The following KIF26B variants were observed in gnomAD, a reference collection of about 807,000 sequenced individuals.
KIF26B encodes the protein kinesin-like protein KIF26B.
Under a neutral mutation model 151.2 loss-of-function variants are expected in KIF26B, and 63 were observed. The ratio of observed to expected loss-of-function variants is 0.42; its 90% CI spans 0.34 to 0.51. The LOEUF is 0.51. Ranked by LOEUF, KIF26B falls within the 20% of genes least tolerant of loss-of-function variation. The pLI, the probability that KIF26B is intolerant of heterozygous loss-of-function variation, is 0.07. For missense variants in KIF26B, 2,813 were observed against 2,913.6 expected (o/e 0.97, Z 0.79); for synonymous variants, 1,357 against 1,262.1 (o/e 1.08, Z -1.59).
At chr1:245,284,690 G>A (rs1372310954) in intron 2 of KIF26B, among the ~76,000 whole-genome samples, 1 of 152,160 alleles carries the variant, frequency 6.6e-6, no homozygotes, top group Non-Finnish European at 1.5e-5. Context: ...ACCAGATATT[G>A]GTTATCTTTT....
At chr1:245,366,402 G>T (rs1045485895) in intron 2 of KIF26B, among the ~76,000 whole-genome samples, 1 of 151,820 alleles carries the variant, frequency 6.6e-6, no homozygotes, top group Non-Finnish European at 1.5e-5. Context: ...CGTGGTGGTG[G>T]GCGCCTGTAG....
chr1:245,443,595 G>A lies in KIF26B; in HGVS notation c.1166+23850G>A, dbSNP rs1232229702. On this transcript the variant is annotated intron_variant, in intron 4 of 14. Transcript: ENST00000407071. ...TCACCCTGCGGTCATCTCCCTCACC[G>A]TTCACCTAGAGCGGTCATCTCCCTC... 9.1e-5 allele frequency among the ~76,000 whole-genome samples: 9 copies of A among 99,036 alleles called. 1 individual carries two copies. Among genetic ancestry groups the A allele is most frequent in the African/African-American group, 2.0e-4 (6 of 30,074 alleles). The allele number at this position is 99,036 out of a possible 152,430, so 65.0% of individuals were successfully genotyped here. A position where few individuals can be genotyped will look rare whatever the true frequency, so the allele number is the denominator to read the frequency against.
In KIF26B at chr1:245,495,684, C is replaced by A. The variant is rs949888012; in HGVS notation, c.1167-45083C>A. Among the ~76,000 whole-genome samples the A allele has an allele frequency of 6.6e-6, 1 of 152,164 alleles. No homozygotes were observed. The highest frequency in any genetic ancestry group is 2.4e-5 in the African/African-American group (1 of 41,428). On this transcript the variant is annotated intron_variant, in intron 4 of 14. Coordinates refer to ENST00000407071, the MANE Select transcript of KIF26B (RefSeq NM_018012.4). This position sits in a 1 kb window ranked among gnomAD's most constrained non-coding sequence, Gnocchi z 4.2. ...TTCCTACCTTTCTCAGCCTCTAACA[C>A]CTAAAATTCTACTTCAAAATGTGAT...
At chr1:245,208,587 A>G (rs959947084) in intron 2 of KIF26B, among the ~76,000 whole-genome samples, 6 of 152,302 alleles carry the variant, frequency 3.9e-5, no homozygotes, top group African/African-American at 1.2e-4. Context: ...GTTGAGGTGG[A>G]GGCCTGGGGA....
chr1:245,280,518 G>A (rs188342247), intron 2 of KIF26B, among the ~76,000 whole-genome samples: 1,351 of 80,544 alleles, frequency 0.017, 27 homozygotes, highest in African/African-American at 0.098. Context: ...GCAACAGAGC[G>A]AGACTCTGTC....
rs147259470 is a variant in KIF26B at position 245,687,384 on chromosome 1, G to A, written c.4401G>A (p.Thr1467=). The change falls in exon 12 of 15, where the codon ACG becomes ACA. Residue 1467 remains threonine, a synonymous_variant. Transcript: ENST00000407071. This position sits in a 1 kb window ranked among gnomAD's most constrained non-coding sequence, Gnocchi z 4.9. ...GGATGATGAGGTGTGAGACTGCCAC[G>A]GGCCCCTCGAATGCTGAGACCAGAG... The part of the protein sequence containing the change: ...EEGMMRCETA[T]GPSNAETRAE... 1.4e-3 allele frequency: 2,221 copies of A among 1,588,130 alleles called. 36 individuals carry two copies. The African/African-American group carries it at 0.026, about 19-fold the overall frequency.
intron 2 of KIF26B, among the ~76,000 whole-genome samples, chr1:245,269,984 A>G (rs929428583): frequency 6.6e-6 from 1 of 152,192 alleles, no homozygotes; most frequent in Non-Finnish European, 1.5e-5. Context: ...GCTAGATCAC[A>G]TGGTAGTTCT....
chr1:245,373,540 A>G (rs1673174745), intron 3 of KIF26B, among the ~76,000 whole-genome samples: 1 of 152,246 alleles, frequency 6.6e-6, no homozygotes, highest in African/African-American at 2.4e-5. Flanking sequence ...TAATAAATCC[A>G]TAGTGGACCG....
chr1:245,491,110 T>C (rs928073850), intron 4 of KIF26B, among the ~76,000 whole-genome samples: 3 of 152,082 alleles, frequency 2.0e-5, no homozygotes, highest in Admixed American at 2.0e-4. Flanking sequence ...CCATGAGAAA[T>C]CACTGAACAG....
intron 10 of KIF26B, among the ~76,000 whole-genome samples, chr1:245,650,142 A>G (rs2043999518): frequency 6.6e-6 from 1 of 152,222 alleles, no homozygotes; most frequent in Non-Finnish European, 1.5e-5. Context: ...ACCCCTCGTC[A>G]GTTCTGCACT....
intron 9 of KIF26B, 175 bp from the exon 10 acceptor site, chr1:245,645,946 C>A: frequency 1.6e-6 from 1 of 612,758 alleles, no homozygotes; most frequent in Non-Finnish European, 2.8e-6. Context: ...TTAAGAGGAC[C>A]AATGCTATTT....
At chr1:245,554,988 CA>C (rs1661984699) in intron 5 of KIF26B, among the ~76,000 whole-genome samples, 1 of 152,190 alleles carries the variant, frequency 6.6e-6, no homozygotes, top group South Asian at 2.1e-4. Context: ...GGGCTTTGCT[CA>C]AGGTCGTATA....
intron 4 of KIF26B, among the ~76,000 whole-genome samples, chr1:245,483,860 G>A (rs1197333386): frequency 5.9e-5 from 9 of 151,874 alleles, no homozygotes; most frequent in African/African-American, 7.2e-5. Context: ...TTAGTGTAGC[G>A]AAGGCTTCTC....
intron 2 of KIF26B, among the ~76,000 whole-genome samples, chr1:245,344,494 CAAAAA>C (rs57007301): frequency 4.7e-3 from 188 of 39,984 alleles, no homozygotes; most frequent in African/African-American, 8.7e-3. Context: ...GACTCCGTCT[CAAAAA>C]AAAAAAAAAA....
intron 2 of KIF26B, among the ~76,000 whole-genome samples, chr1:245,260,216 G>A (rs1400823304): frequency 6.6e-6 from 1 of 152,152 alleles, no homozygotes; most frequent in African/African-American, 2.4e-5. Context: ...ATAGGCTTCG[G>A]TAGAAGCGTG....
At chr1:245,565,837 C>T (rs745925190) in intron 5 of KIF26B, among the ~76,000 whole-genome samples, 25 of 152,180 alleles carry the variant, frequency 1.6e-4, no homozygotes, top group Non-Finnish European at 3.4e-4. Flanking sequence ...TTAATTGGCT[C>T]ATGGTTCTGC....
intron 5 of KIF26B, among the ~76,000 whole-genome samples, chr1:245,573,107 G>C (rs1307129096): frequency 6.6e-6 from 1 of 152,084 alleles, no homozygotes; most frequent in Non-Finnish European, 1.5e-5. Context: ...AGAAACAAAG[G>C]GTTATGCTCC....
chr1:245,483,065 T>C (rs1660203352), intron 4 of KIF26B, among the ~76,000 whole-genome samples: 1 of 151,580 alleles, frequency 6.6e-6, no homozygotes, highest in Admixed American at 6.6e-5. Context: ...ATTTTGGAAG[T>C]TGGGGAAGCA....
intron 2 of KIF26B, among the ~76,000 whole-genome samples, chr1:245,284,739 G>A (rs1558375047): frequency 6.6e-6 from 1 of 152,154 alleles, no homozygotes; most frequent in Non-Finnish European, 1.5e-5. Context: ...AAAACTTAGT[G>A]ATTTAAAATA....
Sources: allele counts gnomAD v4.1 joint callset (sites outside exome capture counted in the v4.1 genomes callset), GRCh38; gene constraint gnomAD v4.1.1; non-coding constraint Gnocchi (gnomAD v3.1); transcripts MANE v1.5; gene names NCBI Gene and HGNC (gene_info 2026-07-23, HGNC 2026-07-21).